Variants in GPC5 observed in about 807,000 individuals in gnomAD.
GPC5 encodes glypican-5.
Under a neutral mutation model 53.9 loss-of-function variants are expected in GPC5, and 47 were observed. The observed-to-expected ratio is 0.87, with a 90% CI of 0.69 to 1.11. GPC5 has a LOEUF of 1.11. GPC5 is among the 50% of genes most tolerant of loss of function. The pLI is 0.00. For missense variants in GPC5, 748 were observed against 713.1 expected, an observed-to-expected ratio of 1.05 and a Z score of -0.56; for synonymous variants, 286 against 263.3, an observed-to-expected ratio of 1.09 and a Z score of -0.84.
At chr13:92,198,961 A>G (rs1234430639) in intron 7 of GPC5, among the ~76,000 whole-genome samples, 1 of 152,206 alleles carries the variant, frequency 6.6e-6, no homozygotes, top group Non-Finnish European at 1.5e-5. Context: ...CATAAGCAAT[A>G]TTGATTTTTG....
At chr13:92,801,864 T>C (rs2138787917) in intron 7 of GPC5, among the ~76,000 whole-genome samples, 1 of 152,044 alleles carries the variant, frequency 6.6e-6, no homozygotes, top group African/African-American at 2.4e-5. Flanking sequence ...CAATGTGTTT[T>C]AAGCTTAGCA....
chr13:91,872,387 A>C (rs1417828518), intron 5 of GPC5, among the ~76,000 whole-genome samples: 1 of 152,228 alleles, frequency 6.6e-6, no homozygotes, highest in Non-Finnish European at 1.5e-5. Flanking sequence ...ATTTAGGAAG[A>C]AAGACATCAA....
At chr13:91,510,991 AC>A (rs1885204594) in intron 2 of GPC5, among the ~76,000 whole-genome samples, 1 of 152,032 alleles carries the variant, frequency 6.6e-6, no homozygotes, top group African/African-American at 2.4e-5. Context: ...CTGCTTTTAC[AC>A]ATGGAAAGGT....
At chr13:92,392,040 G>A (rs1875028649) in intron 7 of GPC5, among the ~76,000 whole-genome samples, 1 of 152,114 alleles carries the variant, frequency 6.6e-6, no homozygotes. Context: ...CAGATATGTG[G>A]CCTGTTCTAT....
intron 2 of GPC5, among the ~76,000 whole-genome samples, chr13:91,632,715 G>A (rs1174465067): frequency 6.6e-6 from 1 of 152,060 alleles, no homozygotes; most frequent in Admixed American, 6.6e-5. Context: ...CATAGTGCAG[G>A]AAAACATGTA....
intron 7 of GPC5, among the ~76,000 whole-genome samples, chr13:92,533,778 A>T (rs1270779739): frequency 1.3e-5 from 2 of 152,210 alleles, no homozygotes; most frequent in Non-Finnish European, 1.5e-5. Context: ...ATGGGAATTC[A>T]TGATGGCGGG....
chr13:92,162,161 G>C (rs2041994785), intron 7 of GPC5, among the ~76,000 whole-genome samples: 1 of 151,558 alleles, frequency 6.6e-6, no homozygotes, highest in East Asian at 1.9e-4. Flanking sequence ...GCTCACATAA[G>C]AACATTGTAC....
intron 6 of GPC5, among the ~76,000 whole-genome samples, chr13:91,974,431 C>A (rs2040277161): frequency 1.3e-5 from 2 of 151,984 alleles, no homozygotes; most frequent in South Asian, 4.1e-4. Context: ...TCTCAGGATA[C>A]AAAATCAATG....
At chr13:92,643,669 T>C (rs1232772500) in intron 7 of GPC5, among the ~76,000 whole-genome samples, 42 of 146,078 alleles carry the variant, frequency 2.9e-4, no homozygotes, top group African/African-American at 9.8e-4. Flanking sequence ...TAGGTGGGAA[T>C]TGAACAATGA....
intron 3 of GPC5, among the ~76,000 whole-genome samples, chr13:91,717,997 C>G (rs986442085): frequency 5.9e-5 from 9 of 152,058 alleles, no homozygotes; most frequent in Admixed American, 2.0e-4. Flanking sequence ...TAAAAAATTG[C>G]TTTTTCAATG....
At chr13:91,808,893 T>C (rs1831566) in intron 5 of GPC5, among the ~76,000 whole-genome samples, 78,234 of 151,940 alleles carry the variant, frequency 0.51, 20,786 homozygotes, top group East Asian at 0.73. Flanking sequence ...TCTCTGTATT[T>C]CAGGACTTAG....
intron 7 of GPC5, among the ~76,000 whole-genome samples, chr13:92,465,759 G>A (rs1878666302): frequency 6.6e-6 from 1 of 151,948 alleles, no homozygotes; most frequent in Admixed American, 6.6e-5. Context: ...CATACTGACA[G>A]CAGTGCAGGT....
intron 5 of GPC5, among the ~76,000 whole-genome samples, chr13:91,782,279 C>G (rs772819496): frequency 6.6e-6 from 1 of 152,030 alleles, no homozygotes; most frequent in Non-Finnish European, 1.5e-5. Context: ...CAAAAGTGAA[C>G]GGTAGGTGGA....
At chr13:92,828,122 A>T (rs185808589) in intron 7 of GPC5, among the ~76,000 whole-genome samples, 5 of 152,214 alleles carry the variant, frequency 3.3e-5, no homozygotes, top group Admixed American at 3.3e-4. Context: ...GTGCAGCACC[A>T]CCAAACCAGA....
At chr13:92,525,788 G>C (rs1399871067) in intron 7 of GPC5, among the ~76,000 whole-genome samples, 1 of 151,984 alleles carries the variant, frequency 6.6e-6, no homozygotes, top group South Asian at 2.1e-4. Context: ...TTATCCATGA[G>C]AGCTAATCCT....
chr13:91,995,625 A>T (rs928442802), intron 6 of GPC5: 1 of 152,216 alleles, frequency 6.6e-6, no homozygotes, highest in African/African-American at 2.4e-5. Flanking sequence ...CGAATATAGT[A>T]AACATTCAAA....
intron 6 of GPC5, among the ~76,000 whole-genome samples, chr13:92,093,826 TA>T (rs2041399809): frequency 6.6e-6 from 1 of 152,240 alleles, no homozygotes; most frequent in African/African-American, 2.4e-5. Context: ...AAAACATGTT[TA>T]AAAGATTAAA....
chr13:91,764,647 G>A (rs342707), intron 5 of GPC5, among the ~76,000 whole-genome samples: 43,604 of 151,932 alleles, frequency 0.29, 7,160 homozygotes, highest in African/African-American at 0.43. Context: ...TTTTCCCCTC[G>A]TCCAGTTAGG....
At chr13:92,738,532 A>G (rs777008498) in intron 7 of GPC5, among the ~76,000 whole-genome samples, 18 of 152,252 alleles carry the variant, frequency 1.2e-4, no homozygotes, top group Non-Finnish European at 1.9e-4. Flanking sequence ...TGTTATAGTT[A>G]ATGTTGAAAA....
Sources: gnomAD v4.1 joint callset for allele counts (sites outside exome capture counted in the v4.1 genomes callset) on GRCh38, gnomAD v4.1.1 for gene constraint, MANE v1.5 for transcripts, NCBI Gene and HGNC (gene_info 2026-07-23, HGNC 2026-07-21) for gene names.